CREB3L2: variants seen among roughly 807,000 people sequenced by gnomAD.
The protein encoded by CREB3L2 is cAMP responsive element binding protein 3 like 2.
Under a neutral mutation model 57.2 loss-of-function variants are expected in CREB3L2, and 23 were observed. The ratio of observed to expected loss-of-function variants is 0.40; its 90% confidence interval spans 0.29 to 0.57. The LOEUF is 0.57. Ranked by LOEUF, CREB3L2 falls within the 20% of genes least tolerant of loss-of-function variation. The probability of loss-of-function intolerance (pLI) is 0.42; values close to 1 mark genes in which losing one functional copy is unlikely to be tolerated. For synonymous variants in CREB3L2, 268 were observed against 265.1 expected, an observed-to-expected ratio of 1.01 and a Z score of -0.11; for missense variants, 628 against 634.7, an observed-to-expected ratio of 0.99 and a Z score of 0.11.
At chr7:137,928,073 T>C (rs566703103) in intron 2 of CREB3L2, 77 bp downstream of exon 2, 2 of 1,113,830 alleles carry the variant, frequency 1.8e-6, no homozygotes, top group South Asian at 2.7e-5. Context: ...CTCTTTAATA[T>C]AATACACACT....
intron 1 of CREB3L2, among the ~76,000 whole-genome samples, chr7:137,976,824 T>C (rs1449415492): frequency 2.0e-5 from 3 of 152,192 alleles, no homozygotes; most frequent in Non-Finnish European, 4.4e-5. Context: ...GGGAGAATGC[T>C]TCTGCCTCCC....
intron 1 of CREB3L2, among the ~76,000 whole-genome samples, chr7:137,974,535 G>T (rs1801570307): frequency 1.3e-5 from 2 of 152,186 alleles, no homozygotes; most frequent in African/African-American, 4.8e-5. Flanking sequence ...TCTTTGAAAA[G>T]ATTTCTCTTA....
chr7:137,987,141 A>G (rs577142809), intron 1 of CREB3L2, among the ~76,000 whole-genome samples: 2 of 152,364 alleles, frequency 1.3e-5, no homozygotes, highest in South Asian at 2.1e-4. Flanking sequence ...GCAGTGCCTC[A>G]GAAATGAATA....
chr7:137,997,183 C>T (rs111772376), intron 1 of CREB3L2, among the ~76,000 whole-genome samples: 3 of 152,182 alleles, frequency 2.0e-5, no homozygotes, highest in African/African-American at 7.2e-5. Context: ...TGAAAATTAC[C>T]TCTAGTCCAG....
chr7:137,880,347 T>C lies in CREB3L2; in HGVS notation c.*129A>G, dbSNP rs541224948. ...AGGGAAGTCCCAGGCTGGTCTCCAA[T>C]CTGAAGCCACTAATGCTTGCCCATG... On this transcript the variant is annotated 3_prime_UTR_variant, in exon 12 of 12. Coordinates refer to ENST00000330387, the MANE Select transcript of CREB3L2 (RefSeq NM_194071.4). The surrounding 1 kb of genome is among the most constrained non-coding windows in gnomAD (Gnocchi z 4.0). The C allele has an allele frequency of 2.7e-5, 20 of 747,028 alleles. No individual in the cohort carries two copies. In the East Asian group the frequency reaches 4.6e-4, roughly 17 times the overall value. The allele number at this position is 747,028 out of a possible 1,614,324, so 46.3% of individuals were successfully genotyped here. A position where few individuals can be genotyped will look rare whatever the true frequency, so the allele number is the denominator to read the frequency against.
chr7:137,984,672 G>T (rs183710530), intron 1 of CREB3L2, among the ~76,000 whole-genome samples: 6 of 152,282 alleles, frequency 3.9e-5, no homozygotes, highest in Non-Finnish European at 8.8e-5. Flanking sequence ...TTATTTTGTT[G>T]CTCCTGCAGC....
chr7:137,940,229 A>C (rs1302586786), intron 1 of CREB3L2, among the ~76,000 whole-genome samples: 1 of 152,134 alleles, frequency 6.6e-6, no homozygotes, highest in Non-Finnish European at 1.5e-5. Context: ...CCTCTCCCAC[A>C]GTATACACTC....
chr7:137,970,441 A>C (rs1444170103), intron 1 of CREB3L2, among the ~76,000 whole-genome samples: 3 of 152,236 alleles, frequency 2.0e-5, no homozygotes, highest in Non-Finnish European at 4.4e-5. Context: ...TCTTTTAACG[A>C]GAGAATGGGG....
chr7:137,991,296 T>A (rs1801890675), intron 1 of CREB3L2, among the ~76,000 whole-genome samples: 1 of 151,770 alleles, frequency 6.6e-6, no homozygotes, highest in African/African-American at 2.4e-5. Context: ...CCCGAGTAGC[T>A]GGGACTACAG....
intron 2 of CREB3L2, among the ~76,000 whole-genome samples, chr7:137,919,900 C>A (rs1240203017): frequency 1.3e-5 from 2 of 152,280 alleles, no homozygotes; most frequent in East Asian, 3.9e-4. Context: ...TCGTTCAGAA[C>A]ATGAATGACT....
At chr7:137,934,151 T>C (rs1349180854) in intron 1 of CREB3L2, among the ~76,000 whole-genome samples, 1 of 152,240 alleles carries the variant, frequency 6.6e-6, no homozygotes, top group African/African-American at 2.4e-5. Context: ...TCTCACTCAA[T>C]ACTCACGACA....
At chr7:137,953,067 T>C (rs1801134670) in intron 1 of CREB3L2, among the ~76,000 whole-genome samples, 2 of 152,238 alleles carry the variant, frequency 1.3e-5, no homozygotes, top group South Asian at 4.1e-4. Flanking sequence ...TCTGCCTGCC[T>C]CGGCCTCCCA....
intron 10 of CREB3L2, chr7:137,884,375 T>C (rs1799366001): frequency 1.9e-5 from 3 of 154,306 alleles, no homozygotes; most frequent in Admixed American, 1.3e-4. Flanking sequence ...GCCTCCCCAG[T>C]AGCTGGGACT....
rs559966705 is a variant in CREB3L2 at position 137,916,120 on chromosome 7, T to C, written c.320-108A>G. On this transcript the variant is annotated intron_variant, in intron 2 of 11. Transcript: ENST00000330387. ...CCCAAAAAAGCTCAGTGAAGGATGA[T>C]TGAAAGTAGAATAAAAGAAAATGAA... is the stretch of plus-strand genomic sequence containing the variant. 3.2e-3 allele frequency: 2,443 copies of C among 760,372 alleles called. 6 individuals are homozygous for C. Among genetic ancestry groups the C allele is most frequent in the Non-Finnish European group, 4.2e-3 (2,036 of 481,070 alleles). The allele number at this position is 760,372 out of a possible 1,614,324, so 47.1% of individuals were successfully genotyped here.
At chr7:137,990,346 AC>A (rs1210895201) in intron 1 of CREB3L2, among the ~76,000 whole-genome samples, 1 of 152,122 alleles carries the variant, frequency 6.6e-6, no homozygotes, top group African/African-American at 2.4e-5. Context: ...CCAACTCTTC[AC>A]CCCCTTCAGA....
intron 1 of CREB3L2, among the ~76,000 whole-genome samples, chr7:137,946,662 T>C (rs1183119756): frequency 2.0e-5 from 3 of 149,712 alleles, no homozygotes; most frequent in Non-Finnish European, 3.0e-5. Flanking sequence ...TGTAGTGCTA[T>C]ATATATAAGC....
rs1563270138 is a variant in CREB3L2, at chr7:137,972,712, AAT to A, written c.102+28890_102+28891del. On this transcript the variant is annotated intron_variant, in intron 1 of 11. Coordinates refer to ENST00000330387, the MANE Select transcript of CREB3L2 (RefSeq NM_194071.4). ...AAAAAAAAAAAAAAAAAAAAAAAAA[AAT>A]ATATATATATATATATATATATAGA... Among the ~76,000 whole-genome samples, 338 of 34,006 alleles carry A rather than the reference AAT, an allele frequency of 9.9e-3. 9 individuals carry two copies. Among genetic ancestry groups the A allele is most frequent in the Middle Eastern group, 0.045 (2 of 44 alleles). 22.3% of individuals were successfully genotyped at this position (34,006 alleles called of 152,430 possible).
chr7:137,919,844 A>G (rs1453369621), intron 2 of CREB3L2, among the ~76,000 whole-genome samples: 2 of 152,258 alleles, frequency 1.3e-5, no homozygotes, highest in Admixed American at 1.3e-4. Flanking sequence ...AAAGTGATAG[A>G]AAAGCATCAA....
chr7:137,948,225 T>C (rs560789568), intron 1 of CREB3L2, among the ~76,000 whole-genome samples: 1 of 152,384 alleles, frequency 6.6e-6, no homozygotes, highest in East Asian at 1.9e-4. Context: ...TGCTAAATTC[T>C]GGAGATGCAT....
Sources: gnomAD v4.1 joint callset for allele counts (sites outside exome capture counted in the v4.1 genomes callset) on GRCh38, gnomAD v4.1.1 for gene constraint, Gnocchi (gnomAD v3.1) non-coding constraint, MANE v1.5 for transcripts, NCBI Gene and HGNC (gene_info 2026-07-23, HGNC 2026-07-21) for gene names.